Variants in COL25A1 observed in about 807,000 individuals in gnomAD.
The protein encoded by COL25A1 is collagen type XXV alpha 1 chain, also known as collagen alpha-1(XXV) chain.
In COL25A1, 103 loss-of-function variants were observed where a neutral mutation model predicts 128.4. That is an observed-to-expected ratio of 0.80 (90% CI 0.68 to 0.94). The LOEUF is 0.94. Ranked by LOEUF, COL25A1 falls within the 40% of genes least tolerant of loss-of-function variation. The pLI is 0.00. For synonymous variants in COL25A1, 279 were observed against 277.2 expected (o/e 1.01, Z -0.06); for missense variants, 745 against 840.0 (o/e 0.89, Z 1.40).
chr4:108,960,787 T>C (rs1227105095), intron 8 of COL25A1, among the ~76,000 whole-genome samples: 8 of 152,140 alleles, frequency 5.3e-5, no homozygotes, highest in African/African-American at 1.9e-4. Flanking sequence ...AATATTTGCT[T>C]TTCAAGATTA....
At chr4:108,922,260 T>C (rs1327801129) in intron 11 of COL25A1, among the ~76,000 whole-genome samples, 2 of 152,240 alleles carry the variant, frequency 1.3e-5, no homozygotes, top group Non-Finnish European at 2.9e-5. Context: ...ATAGGAGATC[T>C]GAGAATGAAG....
At chr4:108,817,373 G>C (rs753895564) in intron 37 of COL25A1, 24 bp downstream of exon 37, 3 of 1,611,474 alleles carry the variant, frequency 1.9e-6, no homozygotes, top group Non-Finnish European at 2.5e-6. Flanking sequence ...TGCTTCTTTT[G>C]AGAAATTATT....
chr4:108,830,764 C>T (rs532650950), intron 32 of COL25A1, among the ~76,000 whole-genome samples: 2 of 152,376 alleles, frequency 1.3e-5, no homozygotes, highest in South Asian at 4.1e-4. Flanking sequence ...GCTGATTTAC[C>T]ACACGGTAAA....
intron 3 of COL25A1, among the ~76,000 whole-genome samples, chr4:109,181,696 AT>A (rs1408606017): frequency 1.3e-5 from 2 of 152,084 alleles, no homozygotes; most frequent in African/African-American, 4.8e-5. Flanking sequence ...TCACATACTT[AT>A]TTTGCTTTGA....
intron 5 of COL25A1, among the ~76,000 whole-genome samples, chr4:109,012,715 C>T (rs557395753): frequency 7.2e-5 from 11 of 152,296 alleles, no homozygotes; most frequent in East Asian, 3.9e-4. Flanking sequence ...GCCTCTCCGC[C>T]GGGCAGGGCT....
At chr4:109,249,766 C>T (rs999308377) in intron 3 of COL25A1, among the ~76,000 whole-genome samples, 4 of 152,134 alleles carry the variant, frequency 2.6e-5, no homozygotes, top group Non-Finnish European at 4.4e-5. Context: ...GGCCAAATAA[C>T]ATTCCTACTT....
At chr4:109,179,519 A>G (rs190282494) in intron 3 of COL25A1, among the ~76,000 whole-genome samples, 1 of 152,362 alleles carries the variant, frequency 6.6e-6, no homozygotes. Flanking sequence ...GTTAGGATAG[A>G]GAAAGGTAAT....
intron 3 of COL25A1, among the ~76,000 whole-genome samples, chr4:109,153,246 G>A (rs749560249): frequency 1.4e-4 from 21 of 151,790 alleles, no homozygotes; most frequent in African/African-American, 4.6e-4. Context: ...TTAGCTGGGC[G>A]TGGTAGCTCA....
chr4:109,000,771 A>C (rs1306588281), intron 6 of COL25A1, among the ~76,000 whole-genome samples: 11 of 140,728 alleles, frequency 7.8e-5, no homozygotes, highest in Non-Finnish European at 1.4e-4. Context: ...AAAAAAAAGA[A>C]AAAACTATAC....
In COL25A1 at chr4:108,846,180, T is replaced by C. The variant is rs1735071767; in HGVS notation, c.1474A>G (p.Met492Val). 3 of 1,613,270 alleles carry C rather than the reference T, an allele frequency of 1.9e-6. No homozygotes were observed. The highest frequency in any genetic ancestry group is 2.7e-5 in the African/African-American group (2 of 75,044). ...CCAATTCCTCCTTTTTCACCTGTCA[T>C]ACCTGGGTCCCCCATGTCTCCCTTT... is the stretch of plus-strand genomic sequence containing the variant. Reference protein sequence around the residue: ...GSKGDMGDPGMTGEKGGIGLP... With the variant: ...GSKGDMGDPGVTGEKGGIGLP... Residue 492 changes from methionine to valine, a missense_variant, in exon 28 of 38, where the codon ATG (methionine) becomes GTG (valine). This residue lies in a region of COL25A1 where 387 missense variants were observed against 441.9 expected (regional missense o/e 0.88). Coordinates refer to ENST00000399132, the MANE Select transcript of COL25A1 (RefSeq NM_198721.4).
chr4:108,881,456 A>C (rs1227747311), intron 19 of COL25A1, among the ~76,000 whole-genome samples: 1 of 152,228 alleles, frequency 6.6e-6, no homozygotes, highest in Non-Finnish European at 1.5e-5. Flanking sequence ...GAAGGAGATG[A>C]ATAGCAACAG....
intron 3 of COL25A1, among the ~76,000 whole-genome samples, chr4:109,286,636 A>ACC (rs1723917595): frequency 6.6e-6 from 1 of 152,154 alleles, no homozygotes; most frequent in East Asian, 1.9e-4. Flanking sequence ...TTGGTTATGG[A>ACC]AGCCAAGGAG....
rs1332832933 is a variant in COL25A1 at position 109,254,481 on chromosome 4, ATATATATATATATATATATATATATG to A, written c.367+46076_367+46101del. The stretch of plus-strand genomic sequence containing the variant: ...TGTAGGCATATGTTTATATATATAT[ATATATATATATATATATATATATATG>A]TATGTGTGTATATACATATACATAT... On this transcript the variant is annotated intron_variant, in intron 3 of 37. Coordinates refer to ENST00000399132, the MANE Select transcript of COL25A1 (RefSeq NM_198721.4). Among the ~76,000 whole-genome samples the A allele has an allele frequency of 2.4e-3, 230 of 96,112 alleles. 6 individuals are homozygous for A. Among genetic ancestry groups the A allele is most frequent in the Admixed American group, 5.9e-3 (55 of 9,400 alleles). 63.1% of individuals were successfully genotyped at this position (96,112 alleles called of 152,430 possible).
At chr4:109,081,895 G>T (rs1039610806) in intron 3 of COL25A1, among the ~76,000 whole-genome samples, 6 of 151,906 alleles carry the variant, frequency 3.9e-5, no homozygotes, top group Non-Finnish European at 7.4e-5. Context: ...GTAGAGATGG[G>T]GTTTCACTAT....
At chr4:108,940,506 G>T (rs769359014) in intron 10 of COL25A1, 33 bp downstream of exon 10, 1 of 1,562,646 alleles carries the variant, frequency 6.4e-7, no homozygotes, top group Non-Finnish European at 8.8e-7. Context: ...GAAGCAAAAC[G>T]TGTGAGAATA....
In COL25A1 at chr4:109,127,056, G is replaced by A. The variant is rs78581373; in HGVS notation, c.368-76877C>T. ...AGAAAGAGATAAAAGCTTCAGAAGA[G>A]TGAATAAGAATTACTCATAATCACA... On this transcript the variant is annotated intron_variant, in intron 3 of 37. Transcript: ENST00000399132. Among the ~76,000 whole-genome samples, 834 of 152,296 alleles carry A rather than the reference G, an allele frequency of 5.5e-3. 7 individuals are homozygous for A. The highest frequency in any genetic ancestry group is 0.019 in the African/African-American group (781 of 41,566).
intron 16 of COL25A1, among the ~76,000 whole-genome samples, chr4:108,894,309 TA>T (rs1415251908): frequency 2.6e-5 from 4 of 152,150 alleles, no homozygotes; most frequent in African/African-American, 4.8e-5. Context: ...CTTTTAAGCA[TA>T]AAATTCTCTA....
At chr4:109,254,467 G>GTTTA (rs1553968350) in intron 3 of COL25A1, among the ~76,000 whole-genome samples, 1 of 33,930 alleles carries the variant, frequency 2.9e-5, no homozygotes. Context: ...GTAGGCATAT[G>GTTTA]TTTATATATA....
intron 8 of COL25A1, among the ~76,000 whole-genome samples, chr4:108,962,946 C>T (rs1407260818): frequency 2.0e-5 from 3 of 152,198 alleles, no homozygotes; most frequent in Non-Finnish European, 4.4e-5. Flanking sequence ...TCCTACAAAG[C>T]CAGTCTTGTT....
Sources: allele counts gnomAD v4.1 joint callset (sites outside exome capture counted in the v4.1 genomes callset), GRCh38; gene constraint gnomAD v4.1.1; regional missense constraint gnomAD v4.1.1; transcripts MANE v1.5; gene names NCBI Gene and HGNC (gene_info 2026-07-23, HGNC 2026-07-21).